Variants in FARS2 observed in about 807,000 individuals in gnomAD.
The protein encoded by FARS2 is phenylalanyl-tRNA synthetase 2, mitochondrial.
FARS2 carries 40 observed loss-of-function variants against 46.4 expected under a neutral mutation model. The observed-to-expected ratio is 0.86, with a 90% CI of 0.67 to 1.12. The LOEUF is 1.12. Among genes scored for constraint, FARS2 ranks in the 50% most tolerant of loss-of-function variants. The pLI is 0.00. For missense variants in FARS2, 513 were observed against 567.9 expected, an observed-to-expected ratio of 0.90 and a Z score of 0.98; for synonymous variants, 234 against 214.9, an observed-to-expected ratio of 1.09 and a Z score of -0.78.
Position 5,355,368 on chromosome 6 carries a change from C to CTTT in FARS2, c.-21-13179_-21-13177dup, listed in dbSNP as rs200590190. On this transcript the variant is annotated intron_variant, in intron 1 of 6. Transcript: ENST00000274680. ...ATAATTTTACTTTTTTTAGGTTTTC[C>CTTT]TTTTTGTTTTTTTTTTTTTTTTGAG... Among the ~76,000 whole-genome samples the CTTT allele has an allele frequency of 1.7e-4, 24 of 142,460 alleles. 2 individuals are homozygous for CTTT. The highest frequency in any genetic ancestry group is 4.2e-4 in the Admixed American group (6 of 14,224). The allele number at this position is 142,460 out of a possible 152,430, so 93.5% of individuals were successfully genotyped here.
chr6:5,251,870 A>G, the FARS2 span, among the ~76,000 whole-genome samples: 1 of 152,144 alleles, frequency 6.6e-6, no homozygotes, highest in African/African-American at 2.4e-5. Flanking sequence ...CCTGGTTCCC[A>G]CTCCAGGAGC....
chr6:5,478,529 C>T (rs1474492942), intron 4 of FARS2, among the ~76,000 whole-genome samples: 2 of 152,158 alleles, frequency 1.3e-5, no homozygotes, highest in African/African-American at 4.8e-5. Context: ...TTTCCCAGAC[C>T]CTGGCTGGAG....
chr6:5,578,983 G>T (rs1490910973), intron 5 of FARS2, among the ~76,000 whole-genome samples: 1 of 152,228 alleles, frequency 6.6e-6, no homozygotes, highest in Non-Finnish European at 1.5e-5. Flanking sequence ...GGAGGATAAG[G>T]TTTTGTGGGG....
At chr6:5,507,734 G>A (rs1179521119) in intron 4 of FARS2, among the ~76,000 whole-genome samples, 1 of 152,244 alleles carries the variant, frequency 6.6e-6, no homozygotes, top group African/African-American at 2.4e-5. Flanking sequence ...CTCCCGGCTA[G>A]TGGGTCAGAC....
intron 6 of FARS2, among the ~76,000 whole-genome samples, chr6:5,687,511 A>G (rs1404205891): frequency 2.0e-5 from 3 of 152,064 alleles, no homozygotes; most frequent in South Asian, 2.1e-4. Flanking sequence ...ATAGTTGTAG[A>G]TATGCGGCAT....
chr6:5,513,230 T>TAGTC lies in FARS2; in HGVS notation c.905-31947_905-31944dup, dbSNP rs146689351. Among the ~76,000 whole-genome samples the TAGTC allele has an allele frequency of 6.4e-4, 98 of 152,242 alleles. 1 individual carries two copies. In the East Asian group the frequency reaches 0.018, roughly 28 times the overall value. On this transcript the variant is annotated intron_variant, in intron 4 of 6. Transcript: ENST00000274680. ...GGTGAGGGAGGGAATGGAGTTCAGA[T>TAGTC]AGTCAGGAACCTTGTGAACAGCGAG...
intron 6 of FARS2, among the ~76,000 whole-genome samples, chr6:5,729,203 G>A (rs1360771321): frequency 1.3e-5 from 2 of 152,224 alleles, no homozygotes; most frequent in South Asian, 2.1e-4. Flanking sequence ...GGCAGCTGGT[G>A]TTTGGAGTTG....
rs149048184 is a variant in FARS2, at chr6:5,597,921, T to C, written c.1066-15248T>C. Reference sequence around the variant, plus strand: ...TCTAGTACTTGATATTTAGAAAATATATGCTCTGTTGAAATTATGCAGCAT... The same window carrying C: ...TCTAGTACTTGATATTTAGAAAATACATGCTCTGTTGAAATTATGCAGCAT... On this transcript the variant is annotated intron_variant, in intron 5 of 6. Transcript: ENST00000274680. Among the ~76,000 whole-genome samples the C allele has an allele frequency of 9.9e-4, 150 of 152,258 alleles. 1 individual carries two copies. The Middle Eastern group carries it at 0.014, about 14-fold the overall frequency.
intron 6 of FARS2, among the ~76,000 whole-genome samples, chr6:5,646,955 C>G (rs530057021): frequency 6.6e-6 from 1 of 152,226 alleles, no homozygotes; most frequent in Admixed American, 6.5e-5. Flanking sequence ...AGATTTTCAT[C>G]AGAGAATATC....
At chr6:5,426,039 T>C (rs1044683500) in intron 3 of FARS2, among the ~76,000 whole-genome samples, 1 of 152,210 alleles carries the variant, frequency 6.6e-6, no homozygotes, top group South Asian at 2.1e-4. Flanking sequence ...TTTCCTAAAG[T>C]ATACTTTCTT....
intron 6 of FARS2, among the ~76,000 whole-genome samples, chr6:5,615,831 T>C (rs1775441309): frequency 6.6e-6 from 1 of 151,984 alleles, no homozygotes; most frequent in African/African-American, 2.4e-5. Flanking sequence ...GCTTTATTTT[T>C]CTAGAATGCC....
At chr6:5,557,151 CT>C (rs796072099) in intron 5 of FARS2, among the ~76,000 whole-genome samples, 1 of 151,962 alleles carries the variant, frequency 6.6e-6, no homozygotes, top group Non-Finnish European at 1.5e-5. Flanking sequence ...AAGTTAATGT[CT>C]TTTTTTTCCT....
intron 4 of FARS2, among the ~76,000 whole-genome samples, chr6:5,535,948 G>A (rs1370612359): frequency 6.6e-6 from 1 of 151,932 alleles, no homozygotes; most frequent in African/African-American, 2.4e-5. Context: ...GTAATTTCTT[G>A]AGGAGTTTAC....
At chr6:5,554,271 G>A (rs774131959) in intron 5 of FARS2, among the ~76,000 whole-genome samples, 5 of 152,184 alleles carry the variant, frequency 3.3e-5, no homozygotes, top group Non-Finnish European at 5.9e-5. Context: ...ATGTTAATTT[G>A]TGATGGGAAA....
chr6:5,527,208 G>A (rs1769521369), intron 4 of FARS2, among the ~76,000 whole-genome samples: 2 of 152,224 alleles, frequency 1.3e-5, no homozygotes, highest in African/African-American at 2.4e-5. Context: ...AACTGACCCT[G>A]TAAGTCTATT....
intron 1 of FARS2, among the ~76,000 whole-genome samples, chr6:5,363,388 T>G (rs1429974871): frequency 5.3e-5 from 8 of 152,200 alleles, no homozygotes; most frequent in African/African-American, 1.9e-4. Context: ...AGTTCTTTAC[T>G]GCCCCTTCCA....
At chr6:5,414,313 A>G (rs539278917) in intron 3 of FARS2, among the ~76,000 whole-genome samples, 1 of 152,212 alleles carries the variant, frequency 6.6e-6, no homozygotes, top group Admixed American at 6.5e-5. Flanking sequence ...AACTTTTGAC[A>G]TAATTATACA....
chr6:5,523,506 C>A (rs1025324810), intron 4 of FARS2, among the ~76,000 whole-genome samples: 1 of 150,492 alleles, frequency 6.6e-6, no homozygotes, highest in South Asian at 2.1e-4. Flanking sequence ...CGGGCATGGG[C>A]GATGTCATAT....
intron 4 of FARS2, among the ~76,000 whole-genome samples, chr6:5,526,278 A>T (rs1769460515): frequency 6.6e-6 from 1 of 152,216 alleles, no homozygotes; most frequent in African/African-American, 2.4e-5. Flanking sequence ...TATGTTTTGG[A>T]TAATGATGAA....
Sources: gnomAD v4.1 joint callset for allele counts (sites outside exome capture counted in the v4.1 genomes callset) on GRCh38, gnomAD v4.1.1 for gene constraint, MANE v1.5 for transcripts, NCBI Gene and HGNC (gene_info 2026-07-23, HGNC 2026-07-21) for gene names.